Variants in ROS1 observed in about 807,000 individuals in gnomAD.
The protein encoded by ROS1 is ROS proto-oncogene 1, receptor tyrosine kinase.
In ROS1, 263 loss-of-function variants were observed where a neutral mutation model predicts 273.5. That is an observed-to-expected ratio of 0.96 (90% CI 0.87 to 1.06). ROS1 has a LOEUF of 1.06. Ranked by LOEUF, ROS1 falls within the 50% of genes least tolerant of loss-of-function variation. ROS1 has a pLI of 0.00. For synonymous variants in ROS1, 1,008 were observed against 954.1 expected (o/e 1.06, Z -1.04); for missense variants, 2,833 against 2,751.1 (o/e 1.03, Z -0.67).
intron 43 of ROS1, among the ~76,000 whole-genome samples, chr6:117,292,721 A>G (rs375228286): frequency 6.6e-5 from 10 of 152,328 alleles, no homozygotes; most frequent in Admixed American, 5.9e-4. Context: ...CAAACCAAAC[A>G]TATGCAAAAC....
At chr6:117,334,044 G>A (rs1424407379) in intron 32 of ROS1, among the ~76,000 whole-genome samples, 1 of 152,146 alleles carries the variant, frequency 6.6e-6, no homozygotes, top group East Asian at 1.9e-4. Context: ...AGGAAGAGAG[G>A]AAGTCAAGTT....
intron 31 of ROS1, among the ~76,000 whole-genome samples, chr6:117,338,170 T>C (rs1302962776): frequency 1.3e-5 from 2 of 152,146 alleles, no homozygotes; most frequent in Non-Finnish European, 2.9e-5. Context: ...ATTTTCCCTG[T>C]AGAGTTTCAT....
In ROS1 at chr6:117,288,460, T is replaced by C; in HGVS notation, c.*32A>G. On this transcript the variant is annotated 3_prime_UTR_variant, in exon 44 of 44. Coordinates refer to ENST00000368507, the MANE Select transcript of ROS1 (RefSeq NM_001378902.1). ...TCAGTAACTACTGAATGAGAGTGTT[T>C]ATCTCAACTCTCTATTTCCCAAACA... is the stretch of plus-strand genomic sequence containing the variant. 1.3e-6 allele frequency: 2 copies of C among 1,524,430 alleles called. No homozygotes were observed. The highest frequency in any genetic ancestry group is 1.8e-6 in the Non-Finnish European group (2 of 1,117,286). The allele number at this position is 1,524,430 out of a possible 1,614,324, so 94.4% of individuals were successfully genotyped here. A position where few individuals can be genotyped will look rare whatever the true frequency, so the allele number is the denominator to read the frequency against.
intron 17 of ROS1, among the ~76,000 whole-genome samples, chr6:117,381,566 T>C (rs1409809314): frequency 6.6e-6 from 1 of 152,092 alleles, no homozygotes; most frequent in Admixed American, 6.6e-5. Flanking sequence ...CAAAAGACAT[T>C]ATTTCCTCCT....
intron 38 of ROS1, 88 bp from the exon 39 acceptor site, chr6:117,317,360 C>G (rs1582601531): frequency 7.1e-7 from 1 of 1,409,018 alleles, no homozygotes; most frequent in Non-Finnish European, 9.6e-7. Flanking sequence ...AATTCTTTAT[C>G]AATAGTTTCC....
intron 32 of ROS1, among the ~76,000 whole-genome samples, chr6:117,335,341 A>G (rs1324433983): frequency 6.6e-6 from 1 of 152,192 alleles, no homozygotes; most frequent in Non-Finnish European, 1.5e-5. Context: ...AGGAAACAAT[A>G]GATGCTGATG....
chr6:117,425,381 C>T (rs1452969154), intron 1 of ROS1, among the ~76,000 whole-genome samples, 153 bp downstream of exon 1: 4 of 152,154 alleles, frequency 2.6e-5, no homozygotes, highest in Non-Finnish European at 5.9e-5. Context: ...GGGCTCCTAA[C>T]TTATTTAAGA....
At chr6:117,307,041 A>T (rs553703550) in intron 42 of ROS1, among the ~76,000 whole-genome samples, 1 of 152,176 alleles carries the variant, frequency 6.6e-6, no homozygotes, top group Non-Finnish European at 1.5e-5. Flanking sequence ...ATTATTCAAG[A>T]TAAAACTGTA....
chr6:117,359,102 C>G (rs1582729823), intron 24 of ROS1, among the ~76,000 whole-genome samples: 1 of 152,284 alleles, frequency 6.6e-6, no homozygotes, highest in East Asian at 1.9e-4. Context: ...TCCAAACACT[C>G]TATGGCTCTT....
chr6:117,321,829 ATTTTTTT>A (rs11451804), intron 35 of ROS1, among the ~76,000 whole-genome samples: 1 of 122,998 alleles, frequency 8.1e-6, no homozygotes, highest in East Asian at 2.4e-4. Flanking sequence ...TATAATGGCA[ATTTTTTT>A]TTTTTTTTTT....
chr6:117,358,240 A>G (rs548618460), intron 24 of ROS1, among the ~76,000 whole-genome samples: 77 of 151,954 alleles, frequency 5.1e-4, no homozygotes, highest in African/African-American at 1.7e-3. Flanking sequence ...CTACAAATTT[A>G]TATCTTCAGA....
At chr6:117,389,991 G>A (rs1214431049) in intron 12 of ROS1, 145 bp from the exon 13 acceptor site, 2 of 710,228 alleles carry the variant, frequency 2.8e-6, no homozygotes, top group African/African-American at 3.6e-5. Context: ...GGTAGAAAAA[G>A]GTAATTTCCT....
Position 117,344,263 on chromosome 6 carries a change from C to G in ROS1, c.4304-1G>C. 1 of 1,611,168 alleles carries G rather than the reference C, an allele frequency of 6.2e-7. No individual in the cohort carries two copies. Among genetic ancestry groups the G allele is most frequent in the Non-Finnish European group, 8.5e-7 (1 of 1,177,890 alleles). On this transcript the variant is annotated splice_acceptor_variant, in intron 27 of 43. Transcript: ENST00000368507. LOFTEE classifies it high-confidence loss of function. ...GAAGCTAGAGACAGAAACGCTTTATCTAAAATAAGAAGAAACCAAAAGATT... is the reference window on the plus strand; with the variant it reads ...GAAGCTAGAGACAGAAACGCTTTATGTAAAATAAGAAGAAACCAAAAGATT...
intron 39 of ROS1, among the ~76,000 whole-genome samples, chr6:117,315,013 C>A (rs1318770932): frequency 6.6e-6 from 1 of 152,152 alleles, no homozygotes; most frequent in Middle Eastern, 3.4e-3. Context: ...ATGCAGGAAG[C>A]AAATTAACAC....
At chr6:117,294,883 G>A (rs1336229868) in intron 43 of ROS1, among the ~76,000 whole-genome samples, 1 of 152,004 alleles carries the variant, frequency 6.6e-6, no homozygotes. Context: ...TGGCCATACT[G>A]CCCAAAGTTG....
Position 117,389,369 on chromosome 6 carries a change from A to T in ROS1, c.1767T>A (p.Pro589=), listed in dbSNP as rs763436206. The T allele has an allele frequency of 6.2e-6, 10 of 1,613,894 alleles. No individual in the cohort carries two copies. The highest frequency in any genetic ancestry group is 1.7e-4 in the Middle Eastern group (1 of 6,060). The change falls in exon 13 of 44, where the codon CCT becomes CCA. Residue 589 remains proline, a synonymous_variant. Coordinates refer to ENST00000368507, the MANE Select transcript of ROS1 (RefSeq NM_001378902.1). The stretch of plus-strand genomic sequence containing the variant: ...ACTCACTGGCTCCTATGGCAAGGGC[A>T]GGAGGCTTCCATTGAACAAGAGCCT... ...SHQALVQWKP[P]ALAIGASPSA... is the part of the protein sequence containing the mutation.
rs1442895655 is a variant in ROS1, at chr6:117,288,683, C to T, written c.6835G>A (p.Glu2279Lys). ...MVLATECGQG[E>K]EKSEGPLGSQ... ...CCTAGAGGACCCTCAGACTTTTCTT[C>T]ACCTTGGCCACATTCTGTAGCAAGT... The change falls in exon 44 of 44, where the codon GAA becomes AAA. Residue 2279 changes from glutamate to lysine, a missense_variant. By Grantham distance (56) the Glu-to-Lys change is moderately conservative (BLOSUM62 1). Transcript: ENST00000368507. 6.2e-7 allele frequency: 1 copy of T among 1,614,074 alleles called. No individual in the cohort carries two copies. Among genetic ancestry groups the T allele is most frequent in the Non-Finnish European group, 8.5e-7 (1 of 1,180,040 alleles).
intron 40 of ROS1, among the ~76,000 whole-genome samples, chr6:117,310,606 T>C (rs1775468044): frequency 6.6e-6 from 1 of 152,112 alleles, no homozygotes; most frequent in South Asian, 2.1e-4. Flanking sequence ...TGTGTTCTCA[T>C]TGTTCAACTC....
At chr6:117,312,595 T>C (rs1775623584) in intron 39 of ROS1, among the ~76,000 whole-genome samples, 1 of 152,094 alleles carries the variant, frequency 6.6e-6, no homozygotes, top group African/African-American at 2.4e-5. Flanking sequence ...TCTCTAGGCC[T>C]AGGATCCTAC....
Sources: gnomAD v4.1 joint callset for allele counts (sites outside exome capture counted in the v4.1 genomes callset) on GRCh38, gnomAD v4.1.1 for gene constraint, MANE v1.5 for transcripts, NCBI Gene and HGNC (gene_info 2026-07-23, HGNC 2026-07-21) for gene names.